GPC5: variants seen among roughly 807,000 people sequenced by gnomAD.
GPC5 encodes the protein glypican-5.
In GPC5, 47 loss-of-function variants were observed where a neutral mutation model predicts 53.9. That is an observed-to-expected ratio of 0.87 (90% CI 0.69 to 1.11). The LOEUF (loss-of-function observed/expected upper bound fraction) is 1.11. Among genes scored for constraint, GPC5 ranks in the 50% most tolerant of loss-of-function variants. The pLI is 0.00. For missense variants in GPC5, 748 were observed against 713.1 expected (o/e 1.05, Z -0.56); for synonymous variants, 286 against 263.3 (o/e 1.09, Z -0.84).
intron 7 of GPC5, among the ~76,000 whole-genome samples, chr13:92,831,689 T>G (rs2138821876): frequency 6.6e-6 from 1 of 152,294 alleles, no homozygotes. Flanking sequence ...CACAAAGATG[T>G]CTGACTTCAG....
At chr13:92,087,000 G>A (rs1239760753) in intron 6 of GPC5, among the ~76,000 whole-genome samples, 1 of 152,170 alleles carries the variant, frequency 6.6e-6, no homozygotes, top group African/African-American at 2.4e-5. Flanking sequence ...TTACAACAGG[G>A]AATGCCAGAA....
At chr13:91,748,521 G>T (rs1310837266) in intron 4 of GPC5, among the ~76,000 whole-genome samples, 1 of 152,182 alleles carries the variant, frequency 6.6e-6, no homozygotes, top group African/African-American at 2.4e-5. Context: ...CTAGTCTGGG[G>T]CTAATTCAAA....
At chr13:91,977,562 T>C (rs888665449) in intron 6 of GPC5, among the ~76,000 whole-genome samples, 3 of 152,162 alleles carry the variant, frequency 2.0e-5, no homozygotes, top group Non-Finnish European at 4.4e-5. Context: ...ATTAGGATTA[T>C]TTTTAAGGAT....
intron 2 of GPC5, among the ~76,000 whole-genome samples, chr13:91,639,693 C>A (rs1402227573): frequency 6.6e-6 from 1 of 152,070 alleles, no homozygotes; most frequent in Non-Finnish European, 1.5e-5. Flanking sequence ...CAGTCCTGGG[C>A]CGAAAGGGAT....
chr13:91,586,628 C>G (rs529267080), intron 2 of GPC5, among the ~76,000 whole-genome samples: 54 of 137,190 alleles, frequency 3.9e-4, no homozygotes, highest in African/African-American at 1.3e-3. Context: ...CATCAGATCT[C>G]ATGAGAACTC....
intron 7 of GPC5, among the ~76,000 whole-genome samples, chr13:92,158,615 C>T (rs2041962937): frequency 6.6e-6 from 1 of 152,056 alleles, no homozygotes; most frequent in East Asian, 1.9e-4. Flanking sequence ...TAATAAGACC[C>T]ATTGCCTTTA....
intron 7 of GPC5, among the ~76,000 whole-genome samples, chr13:92,760,692 GC>G (rs1307105521): frequency 6.6e-6 from 1 of 150,916 alleles, no homozygotes; most frequent in African/African-American, 2.4e-5. Context: ...CCTTCCCTCT[GC>G]TGACTTTGGG....
chr13:92,636,641 A>AG (rs1885412258), intron 7 of GPC5, among the ~76,000 whole-genome samples: 1 of 37,476 alleles, frequency 2.7e-5, no homozygotes, highest in African/African-American at 3.9e-5. Flanking sequence ...TTTTATACTT[A>AG]CAACCATTGT....
intron 7 of GPC5, among the ~76,000 whole-genome samples, chr13:92,639,637 C>T (rs886402138): frequency 6.6e-6 from 1 of 152,172 alleles, no homozygotes; most frequent in Non-Finnish European, 1.5e-5. Context: ...TCTGGGCATT[C>T]TTAAACCATT....
chr13:92,676,060 T>A (rs1227408875), intron 7 of GPC5, among the ~76,000 whole-genome samples: 1 of 152,178 alleles, frequency 6.6e-6, no homozygotes, highest in African/African-American at 2.4e-5. Flanking sequence ...CAGATATTTT[T>A]TGCCATGAAT....
chr13:92,250,684 T>TA (rs965988469), intron 7 of GPC5, among the ~76,000 whole-genome samples: 2 of 152,082 alleles, frequency 1.3e-5, no homozygotes, highest in African/African-American at 4.8e-5. Context: ...TTCATGTTTA[T>TA]AAAAAATAAC....
At chr13:91,438,261 T>TC (rs1164088530) in intron 1 of GPC5, among the ~76,000 whole-genome samples, 1 of 152,218 alleles carries the variant, frequency 6.6e-6, no homozygotes, top group African/African-American at 2.4e-5. Flanking sequence ...TTCCAGTTTT[T>TC]CTGCTCTGTT....
chr13:91,811,318 G>C (rs1225196340), intron 5 of GPC5, among the ~76,000 whole-genome samples: 1 of 152,024 alleles, frequency 6.6e-6, no homozygotes, highest in Non-Finnish European at 1.5e-5. Flanking sequence ...TAACAGGGAA[G>C]ACAGATAAGT....
At chr13:92,212,243 A>G (rs2042380506) in intron 7 of GPC5, among the ~76,000 whole-genome samples, 1 of 152,144 alleles carries the variant, frequency 6.6e-6, no homozygotes, top group South Asian at 2.1e-4. Context: ...ACCTCTAGCT[A>G]TGCAAACTGA....
chr13:92,433,192 C>T (rs562759942), intron 7 of GPC5, among the ~76,000 whole-genome samples: 6 of 151,562 alleles, frequency 4.0e-5, no homozygotes, highest in South Asian at 4.2e-4. Flanking sequence ...GTGAAGACAC[C>T]GAGATGGTGA....
intron 7 of GPC5, among the ~76,000 whole-genome samples, chr13:92,577,780 G>A (rs1300113797): frequency 6.8e-6 from 1 of 147,398 alleles, no homozygotes; most frequent in Non-Finnish European, 1.5e-5. Context: ...GTTTACAGAA[G>A]AAAAAGTAAA....
At chr13:92,845,473 A>G (rs1269155732) in intron 7 of GPC5, among the ~76,000 whole-genome samples, 11 of 152,180 alleles carry the variant, frequency 7.2e-5, no homozygotes, top group Admixed American at 7.2e-4. Flanking sequence ...CAGTTTGAAG[A>G]CACACAGAGG....
intron 7 of GPC5, among the ~76,000 whole-genome samples, chr13:92,676,221 A>G (rs1482551410): frequency 6.6e-6 from 1 of 152,166 alleles, no homozygotes; most frequent in Admixed American, 6.6e-5. Flanking sequence ...CAAATGTCCA[A>G]TGCCATGAGT....
chr13:91,564,408 CTT>C lies in GPC5; in HGVS notation c.325+115488_325+115489del, dbSNP rs546105867. On this transcript the variant is annotated intron_variant, in intron 2 of 7. Transcript: ENST00000377067. The stretch of plus-strand genomic sequence containing the variant: ...GATCTGGGTACAAACAGCCTCGTCT[CTT>C]TAATTCTGTATAAAAGTTTGGTACT... Among the ~76,000 whole-genome samples the C allele has an allele frequency of 9.2e-5, 14 of 152,270 alleles. No individual in the cohort carries two copies. The South Asian group carries it at 2.9e-3, about 32-fold the overall frequency.
Sources: gnomAD v4.1 joint callset for allele counts (sites outside exome capture counted in the v4.1 genomes callset) on GRCh38, gnomAD v4.1.1 for gene constraint, MANE v1.5 for transcripts, NCBI Gene and HGNC (gene_info 2026-07-23, HGNC 2026-07-21) for gene names.